The following SIL1 variants were observed in gnomAD, a reference collection of about 807,000 sequenced individuals.
SIL1 encodes SIL1 nucleotide exchange factor.
A neutral mutation model predicts 49.1 loss-of-function variants in SIL1; 40 were observed. The ratio of observed to expected loss-of-function variants is 0.81; its 90% CI spans 0.63 to 1.06. The LOEUF (loss-of-function observed/expected upper bound fraction) is 1.06, where lower values mean the gene tolerates loss of function less well. Among genes scored for constraint, SIL1 ranks in the 50% least tolerant of loss-of-function variants. The pLI, the probability that SIL1 is intolerant of heterozygous loss-of-function variation, is 0.00. For synonymous variants in SIL1, 253 were observed against 250.8 expected (o/e 1.01, Z -0.08); for missense variants, 500 against 572.6 (o/e 0.87, Z 1.29).
At chr5:139,159,672 T>C (rs1328141316) in intron 1 of SIL1, among the ~76,000 whole-genome samples, 1 of 152,176 alleles carries the variant, frequency 6.6e-6, no homozygotes, top group African/African-American at 2.4e-5. Flanking sequence ...TGCCTATTCT[T>C]TATAACACAG....
chr5:138,960,406 T>C (rs925619558), intron 7 of SIL1, among the ~76,000 whole-genome samples: 3 of 149,644 alleles, frequency 2.0e-5, no homozygotes, highest in African/African-American at 7.4e-5. Flanking sequence ...CTGCTACAAA[T>C]CTACGTCTTT....
chr5:138,972,475 G>C (rs1767300433), intron 7 of SIL1, among the ~76,000 whole-genome samples: 1 of 152,228 alleles, frequency 6.6e-6, no homozygotes, highest in Admixed American at 6.5e-5. Flanking sequence ...CTCTGGCTCA[G>C]AGCTCCTCAG....
intron 1 of SIL1, among the ~76,000 whole-genome samples, chr5:139,137,637 G>A (rs868185198): frequency 6.6e-6 from 1 of 151,172 alleles, no homozygotes; most frequent in African/African-American, 2.4e-5. Flanking sequence ...CCATTAACTC[G>A]TCATTTAGCA....
intron 7 of SIL1, among the ~76,000 whole-genome samples, chr5:138,953,937 G>A: frequency 6.6e-6 from 1 of 152,220 alleles, no homozygotes; most frequent in East Asian, 1.9e-4. Flanking sequence ...GAGCAGCAGA[G>A]ACAAGGCCCT....
intron 1 of SIL1, among the ~76,000 whole-genome samples, chr5:139,159,734 G>T (rs1751472121): frequency 2.0e-5 from 3 of 152,144 alleles, no homozygotes; most frequent in Non-Finnish European, 4.4e-5. Context: ...TTTGGAAGCT[G>T]TTTCCCCCAC....
intron 3 of SIL1, among the ~76,000 whole-genome samples, chr5:139,099,165 T>C (rs900409707): frequency 6.6e-6 from 1 of 152,096 alleles, no homozygotes; most frequent in Non-Finnish European, 1.5e-5. Flanking sequence ...AACGGGTATA[T>C]GAAAAGGTAC....
intron 3 of SIL1, among the ~76,000 whole-genome samples, chr5:139,084,270 C>A (rs1770159492): frequency 6.7e-6 from 1 of 148,694 alleles, no homozygotes; most frequent in Admixed American, 6.8e-5. Flanking sequence ...TTGACCCAGC[C>A]ATCCCATTAC....
At chr5:139,113,313 A>T (rs1770913689) in intron 3 of SIL1, among the ~76,000 whole-genome samples, 2 of 126,890 alleles carry the variant, frequency 1.6e-5, no homozygotes, top group Non-Finnish European at 3.4e-5. Flanking sequence ...AATAAAAAAT[A>T]AATAAATAAA....
At chr5:138,950,890 G>A (rs1179885466) in intron 9 of SIL1, among the ~76,000 whole-genome samples, 1 of 152,192 alleles carries the variant, frequency 6.6e-6, no homozygotes, top group South Asian at 2.1e-4. Context: ...TCCAAGGCTT[G>A]CCTCATACTG....
intron 1 of SIL1, among the ~76,000 whole-genome samples, chr5:139,175,740 A>C (rs1751867436): frequency 6.6e-6 from 1 of 152,186 alleles, no homozygotes; most frequent in Non-Finnish European, 1.5e-5. Context: ...AGGCAGGCAG[A>C]TCACCTGAGG....
intron 3 of SIL1, among the ~76,000 whole-genome samples, chr5:139,061,275 A>G (rs575194864): frequency 2.6e-5 from 4 of 152,334 alleles, no homozygotes; most frequent in African/African-American, 7.2e-5. Context: ...CCCTGCTTCA[A>G]CGAAGACAGG....
intron 3 of SIL1, among the ~76,000 whole-genome samples, chr5:139,053,572 T>C (rs1234083937): frequency 6.6e-6 from 1 of 152,210 alleles, no homozygotes; most frequent in Non-Finnish European, 1.5e-5. Flanking sequence ...CCCTGGTCCA[T>C]GAGGCCCTGC....
intron 7 of SIL1, among the ~76,000 whole-genome samples, chr5:138,992,174 G>A (rs1767774081): frequency 6.6e-6 from 1 of 152,168 alleles, no homozygotes; most frequent in African/African-American, 2.4e-5. Context: ...AATCCCACCT[G>A]CTCCCTCCCT....
At chr5:138,972,899 C>G (rs1161716789) in intron 7 of SIL1, among the ~76,000 whole-genome samples, 1 of 152,192 alleles carries the variant, frequency 6.6e-6, no homozygotes, top group East Asian at 1.9e-4. Context: ...CCTGGGTCCT[C>G]AGGCAAGGGG....
intron 7 of SIL1, among the ~76,000 whole-genome samples, chr5:138,969,815 G>A (rs1011564036): frequency 6.6e-6 from 1 of 152,258 alleles, no homozygotes; most frequent in African/African-American, 2.4e-5. Context: ...ATCTGCCACA[G>A]AGAGACATCT....
At chr5:139,130,683 T>C (rs1750846465) in intron 1 of SIL1, among the ~76,000 whole-genome samples, 1 of 152,198 alleles carries the variant, frequency 6.6e-6, no homozygotes, top group Non-Finnish European at 1.5e-5. Context: ...TACATCAATG[T>C]TCATTGCAGC....
At position 138,983,935 on chromosome 5, in the gene SIL1, G is replaced by A. The variant is rs535882794; in HGVS notation, c.768-32051C>T. ...CTCTGGGCATCAGGCAGATAGGTGG[G>A]ACAGGAGGCCACAAGTAGTGTGTGT... On this transcript the variant is annotated intron_variant, in intron 7 of 9. Transcript: ENST00000394817. Among the ~76,000 whole-genome samples the A allele has an allele frequency of 7.9e-5, 12 of 152,320 alleles. 1 individual carries two copies. The highest frequency in any genetic ancestry group is 2.2e-4 in the African/African-American group (9 of 41,568).
At chr5:139,175,125 C>T (rs921109339) in intron 1 of SIL1, among the ~76,000 whole-genome samples, 7 of 152,122 alleles carry the variant, frequency 4.6e-5, no homozygotes, top group African/African-American at 1.7e-4. Flanking sequence ...AGTTGGAGAC[C>T]AGCCTGGCCA....
intron 3 of SIL1, among the ~76,000 whole-genome samples, chr5:139,110,900 C>T (rs933664476): frequency 5.9e-5 from 9 of 152,348 alleles, no homozygotes; most frequent in Admixed American, 5.2e-4. Context: ...GTCTCCCTTA[C>T]CATACCCAGA....
Sources: gnomAD v4.1 joint callset for allele counts (sites outside exome capture counted in the v4.1 genomes callset) on GRCh38, gnomAD v4.1.1 for gene constraint, MANE v1.5 for transcripts, NCBI Gene and HGNC (gene_info 2026-07-23, HGNC 2026-07-21) for gene names.